The following SREK1IP1 variants were observed in gnomAD, a reference collection of about 807,000 sequenced individuals.
SREK1IP1 encodes the protein SREK1 interacting protein 1.
A neutral mutation model predicts 22.8 loss-of-function variants in SREK1IP1; 12 were observed. That is an observed-to-expected ratio of 0.53 (90% CI 0.34 to 0.85). SREK1IP1 has a LOEUF of 0.85. SREK1IP1 is among the 40% of genes least tolerant of loss of function. The pLI is 0.02. For synonymous variants in SREK1IP1, 53 were observed against 52.7 expected (o/e 1.01, Z -0.02); for missense variants, 147 against 171.8 (o/e 0.86, Z 0.81).
intron 1 of SREK1IP1, among the ~76,000 whole-genome samples, chr5:64,760,420 C>T (rs552825442): frequency 6.6e-6 from 1 of 152,288 alleles, no homozygotes; most frequent in Admixed American, 6.5e-5. Context: ...GGGGGAAAGT[C>T]TCTTGAGCAA....
In SREK1IP1 at chr5:64,724,291, A is replaced by T; in HGVS notation, c.*93T>A. On this transcript the variant is annotated 3_prime_UTR_variant, in exon 5 of 5. Coordinates refer to ENST00000513458, the MANE Select transcript of SREK1IP1 (RefSeq NM_173829.4). Reference sequence around the variant, plus strand: ...GTCTATATGGAAAAGGCTGTGATTTATTGCAAAGCATAATATATAGCAAAT... The same window carrying T: ...GTCTATATGGAAAAGGCTGTGATTTTTTGCAAAGCATAATATATAGCAAAT... The T allele has an allele frequency of 9.0e-7, 1 of 1,112,726 alleles. No homozygotes were observed. Among genetic ancestry groups the T allele is most frequent in the Non-Finnish European group, 1.3e-6 (1 of 798,182 alleles). 68.9% of individuals were successfully genotyped at this position (1,112,726 alleles called of 1,614,324 possible).
intron 2 of SREK1IP1, among the ~76,000 whole-genome samples, chr5:64,753,440 T>C (rs1247317660): frequency 1.3e-5 from 2 of 152,214 alleles, no homozygotes; most frequent in Admixed American, 6.5e-5. Context: ...GTGATATATA[T>C]AGTTATATAT....
intron 2 of SREK1IP1, among the ~76,000 whole-genome samples, chr5:64,747,730 C>G (rs1742664847): frequency 6.6e-6 from 1 of 151,776 alleles, no homozygotes; most frequent in African/African-American, 2.4e-5. Flanking sequence ...AGATTGAGAC[C>G]ATCCTGGCTA....
At chr5:64,748,741 T>A (rs1742686414) in intron 2 of SREK1IP1, among the ~76,000 whole-genome samples, 1 of 152,104 alleles carries the variant, frequency 6.6e-6, no homozygotes, top group African/African-American at 2.4e-5. Context: ...ACTACAATGA[T>A]CCCACTTTAC....
chr5:64,762,430 C>T (rs1742966027), intron 1 of SREK1IP1, among the ~76,000 whole-genome samples: 1 of 152,080 alleles, frequency 6.6e-6, no homozygotes, highest in Non-Finnish European at 1.5e-5. Context: ...ATTTCAATTA[C>T]TTCTGCTTTT....
rs910381560 is a variant in SREK1IP1, at chr5:64,719,977, C to T, written c.*4407G>A. On this transcript the variant is annotated 3_prime_UTR_variant, in exon 5 of 5. Transcript: ENST00000513458. ...AGCACTCCCTGCTGAGCTAGCTTAT[C>T]ACTAGGTTACCTGAGGTAGAACCAC... is the stretch of plus-strand genomic sequence containing the variant. 1 of 152,236 alleles carries T rather than the reference C, an allele frequency of 6.6e-6. No individual in the cohort carries two copies. Among genetic ancestry groups the T allele is most frequent in the African/African-American group, 2.4e-5 (1 of 41,464 alleles). 9.4% of individuals were successfully genotyped at this position (152,236 alleles called of 1,614,324 possible).
At chr5:64,731,365 A>G (rs1249621412) in intron 3 of SREK1IP1, among the ~76,000 whole-genome samples, 1 of 151,930 alleles carries the variant, frequency 6.6e-6, no homozygotes, top group Non-Finnish European at 1.5e-5. Context: ...GAAAAAAAAA[A>G]TTAGCCAGGC....
intron 1 of SREK1IP1, among the ~76,000 whole-genome samples, chr5:64,765,876 T>C (rs1743025189): frequency 1.3e-5 from 2 of 152,196 alleles, no homozygotes; most frequent in Admixed American, 6.5e-5. Flanking sequence ...AGTGTGCCCA[T>C]ATCACACAGG....
intron 3 of SREK1IP1, among the ~76,000 whole-genome samples, chr5:64,731,032 A>G (rs1742368777): frequency 6.6e-6 from 1 of 152,218 alleles, no homozygotes; most frequent in Non-Finnish European, 1.5e-5. Flanking sequence ...TACATTAAAT[A>G]AACTGGAAAG....
At chr5:64,748,009 AG>A (rs1020443810) in intron 2 of SREK1IP1, among the ~76,000 whole-genome samples, 6 of 152,218 alleles carry the variant, frequency 3.9e-5, no homozygotes, top group Non-Finnish European at 8.8e-5. Flanking sequence ...CATACCCCAA[AG>A]AATTGAAAAC....
intron 2 of SREK1IP1, among the ~76,000 whole-genome samples, chr5:64,751,773 TG>T (rs1312063150): frequency 6.6e-6 from 1 of 152,232 alleles, no homozygotes; most frequent in Non-Finnish European, 1.5e-5. Flanking sequence ...TGCCTACCTT[TG>T]AAGAAGCAAA....
Position 64,721,401 on chromosome 5 carries a change from G to A in SREK1IP1, c.*2983C>T, listed in dbSNP as rs1742158814. ...CTCTTCAGCCTAGTTTACTCTGAAG[G>A]TAAACTAGGGTTATATAATTTTAGA... On this transcript the variant is annotated 3_prime_UTR_variant, in exon 5 of 5. Coordinates refer to ENST00000513458, the MANE Select transcript of SREK1IP1 (RefSeq NM_173829.4). 6.6e-6 allele frequency: 1 copy of A among 152,064 alleles called. No homozygotes were observed. Among genetic ancestry groups the A allele is most frequent in the African/African-American group, 2.4e-5 (1 of 41,402 alleles). The allele number at this position is 152,064 out of a possible 1,614,324, so 9.4% of individuals were successfully genotyped here. A position where few individuals can be genotyped will look rare whatever the true frequency, so the allele number is the denominator to read the frequency against.
chr5:64,733,666 T>C (rs898722491), intron 3 of SREK1IP1, among the ~76,000 whole-genome samples: 5 of 152,108 alleles, frequency 3.3e-5, no homozygotes, highest in Admixed American at 2.0e-4. Context: ...ATATGTCTCA[T>C]AGAAATAAAG....
chr5:64,768,008 C>T (rs1049394177), intron 1 of SREK1IP1, among the ~76,000 whole-genome samples: 10 of 151,952 alleles, frequency 6.6e-5, no homozygotes, highest in African/African-American at 2.4e-4. Flanking sequence ...AAACTGAGGC[C>T]CAGAAGCACA....
intron 2 of SREK1IP1, among the ~76,000 whole-genome samples, chr5:64,751,699 G>C (rs911174897): frequency 6.6e-6 from 1 of 152,134 alleles, no homozygotes; most frequent in Admixed American, 6.5e-5. Context: ...CAGATTTCTA[G>C]GGAGGCAGTA....
At chr5:64,756,913 C>G (rs1382786172) in intron 1 of SREK1IP1, among the ~76,000 whole-genome samples, 2 of 152,092 alleles carry the variant, frequency 1.3e-5, no homozygotes, top group Non-Finnish European at 2.9e-5. Flanking sequence ...GGTATTATTC[C>G]ATTTTCCTGG....
chr5:64,737,519 A>AG lies in SREK1IP1; in HGVS notation c.205+3537_205+3538insC, dbSNP rs568652405. ...TGGTTCATACTGTCAAAAAAAAAAA[A>AG]AAAAGAAAAGAAGGATCTCAAAAAA... is the stretch of plus-strand genomic sequence containing the variant. On this transcript the variant is annotated intron_variant, in intron 3 of 4. Coordinates refer to ENST00000513458, the MANE Select transcript of SREK1IP1 (RefSeq NM_173829.4). Among the ~76,000 whole-genome samples, 8 of 150,476 alleles carry AG rather than the reference A, an allele frequency of 5.3e-5. No individual in the cohort carries two copies. In the East Asian group the frequency reaches 1.5e-3, roughly 29 times the overall value.
At position 64,721,185 on chromosome 5, in the gene SREK1IP1, C is replaced by T. The variant is rs1418455715; in HGVS notation, c.*3199G>A. The T allele has an allele frequency of 6.6e-6, 1 of 152,188 alleles. No homozygotes were observed. The highest frequency in any genetic ancestry group is 1.5e-5 in the Non-Finnish European group (1 of 68,026). 9.4% of individuals were successfully genotyped at this position (152,188 alleles called of 1,614,324 possible). A position where few individuals can be genotyped will look rare whatever the true frequency, so the allele number is the denominator to read the frequency against. On this transcript the variant is annotated 3_prime_UTR_variant, in exon 5 of 5. Transcript: ENST00000513458. ...AAACTCATGTTCATGTCAATTACTGCACTAATTATATAACGGTGTATGCTC... is the reference window on the plus strand; with the variant it reads ...AAACTCATGTTCATGTCAATTACTGTACTAATTATATAACGGTGTATGCTC...
At chr5:64,739,538 C>T (rs1742519116) in intron 3 of SREK1IP1, among the ~76,000 whole-genome samples, 1 of 152,112 alleles carries the variant, frequency 6.6e-6, no homozygotes, top group African/African-American at 2.4e-5. Flanking sequence ...CGGGTTACTT[C>T]ACAGCTTTCC....
Sources: gnomAD v4.1 joint callset for allele counts (sites outside exome capture counted in the v4.1 genomes callset) on GRCh38, gnomAD v4.1.1 for gene constraint, MANE v1.5 for transcripts, NCBI Gene and HGNC (gene_info 2026-07-23, HGNC 2026-07-21) for gene names.